The following PVT1 variants were observed in gnomAD, a reference collection of about 807,000 sequenced individuals.
PVT1 encodes the protein CXCR4/PVT1 fusion.
chr8:127,890,250 C>A (rs1815583964), intron 2 of PVT1, among the ~76,000 whole-genome samples: 1 of 152,210 alleles, frequency 6.6e-6, no homozygotes, highest in South Asian at 2.1e-4. Flanking sequence ...ATGTGCCAGG[C>A]CTGGCCTTGC....
At chr8:127,838,028 G>T (rs555976695) in intron 2 of PVT1, among the ~76,000 whole-genome samples, 3 of 151,810 alleles carry the variant, frequency 2.0e-5, no homozygotes, top group African/African-American at 7.2e-5. Context: ...CTCCTGAATA[G>T]CTGGGATTAC....
At chr8:128,029,197 A>C (rs1813359793) in intron 4 of PVT1, among the ~76,000 whole-genome samples, 2 of 152,144 alleles carry the variant, frequency 1.3e-5, no homozygotes, top group African/African-American at 4.8e-5. Context: ...ATCACTGCTT[A>C]CTGCAGCCTT....
chr8:127,989,849 A>C (rs564484216), intron 4 of PVT1, among the ~76,000 whole-genome samples: 1 of 152,194 alleles, frequency 6.6e-6, no homozygotes, highest in African/African-American at 2.4e-5. Flanking sequence ...TACTTGCCTC[A>C]TTTTGGACAA....
chr8:127,847,064 G>A (rs534392402), intron 2 of PVT1, among the ~76,000 whole-genome samples: 2 of 145,348 alleles, frequency 1.4e-5, no homozygotes, highest in South Asian at 2.2e-4. Context: ...GTGCAGTGGT[G>A]AGATCTCAGC....
intron 2 of PVT1, among the ~76,000 whole-genome samples, chr8:127,836,434 A>G (rs1429729327): frequency 6.6e-6 from 1 of 152,048 alleles, no homozygotes; most frequent in Non-Finnish European, 1.5e-5. Context: ...TGCATTAGCT[A>G]TTTTTTCTAT....
At chr8:128,100,114 C>G (rs1814484501) in intron 6 of PVT1, among the ~76,000 whole-genome samples, 1 of 124,958 alleles carries the variant, frequency 8.0e-6, no homozygotes, top group African/African-American at 3.0e-5. Flanking sequence ...TCCCTCCCAA[C>G]CTTCCTCCCT....
intron 3 of PVT1, among the ~76,000 whole-genome samples, chr8:127,936,851 C>T (rs1041176412): frequency 2.0e-5 from 3 of 152,214 alleles, no homozygotes; most frequent in African/African-American, 7.2e-5. Context: ...TGCAGAGCCA[C>T]CTGTGCCACA....
intron 2 of PVT1, among the ~76,000 whole-genome samples, chr8:127,799,042 T>G (rs1176545640): frequency 6.6e-6 from 1 of 152,042 alleles, no homozygotes; most frequent in African/African-American, 2.4e-5. Context: ...GATGTGGAAA[T>G]GGTCTTATTC....
intron 3 of PVT1, among the ~76,000 whole-genome samples, chr8:127,954,441 C>T (rs192413814): frequency 7.1e-4 from 108 of 152,044 alleles, no homozygotes; most frequent in African/African-American, 2.3e-3. Flanking sequence ...ACTACAGGCA[C>T]GCACCACCAC....
chr8:128,075,449 T>TA (rs1395026398), intron 5 of PVT1, among the ~76,000 whole-genome samples: 25 of 151,586 alleles, frequency 1.6e-4, no homozygotes, highest in Non-Finnish European at 2.4e-4. Context: ...TCTCCTTTTT[T>TA]TAAAAAAAAA....
intron 2 of PVT1, among the ~76,000 whole-genome samples, chr8:127,865,153 A>G (rs1438892538): frequency 6.6e-6 from 1 of 152,128 alleles, no homozygotes; most frequent in Non-Finnish European, 1.5e-5. Context: ...CTGCACCTCA[A>G]TTTGGACGAG....
chr8:127,879,974 T>A (rs1262388921), intron 2 of PVT1, among the ~76,000 whole-genome samples: 1 of 152,244 alleles, frequency 6.6e-6, no homozygotes, highest in East Asian at 1.9e-4. Context: ...AGCTCTTCAG[T>A]GAGGACATTG....
chr8:128,085,143 G>A (rs1352421091), intron 5 of PVT1, among the ~76,000 whole-genome samples: 1 of 152,140 alleles, frequency 6.6e-6, no homozygotes, highest in Non-Finnish European at 1.5e-5. Flanking sequence ...AAAGCACTGG[G>A]ACTGTCAAGC....
intron 2 of PVT1, among the ~76,000 whole-genome samples, chr8:127,859,170 C>T (rs772965295): frequency 2.0e-5 from 3 of 152,052 alleles, no homozygotes; most frequent in Non-Finnish European, 1.5e-5. Flanking sequence ...TCCTCACAAC[C>T]TTCTTATGCT....
intron 4 of PVT1, among the ~76,000 whole-genome samples, chr8:128,002,968 T>TCCCTCGTCCTTCCTTCCTTCCTTCCTTC (rs564255495): frequency 1.2e-5 from 1 of 84,602 alleles, no homozygotes; most frequent in Non-Finnish European, 2.3e-5. Context: ...CCTCCCTCCC[T>TCCCTCGTCCTTCCTTCCTTCCTTCCTTC]CTTCCTTCCT....
chr8:128,005,340 C>G (rs991215987), intron 4 of PVT1, among the ~76,000 whole-genome samples: 3 of 152,124 alleles, frequency 2.0e-5, no homozygotes, highest in African/African-American at 4.8e-5. Context: ...TCCAATGTGG[C>G]CCAGGGAAGC....
chr8:127,952,970 TG>T (rs910663273), intron 3 of PVT1, among the ~76,000 whole-genome samples: 1 of 152,128 alleles, frequency 6.6e-6, no homozygotes, highest in African/African-American at 2.4e-5. Flanking sequence ...TTCACCATGT[TG>T]GCCAGGATGG....
intron 2 of PVT1, among the ~76,000 whole-genome samples, chr8:127,842,927 T>C (rs996300012): frequency 2.6e-5 from 4 of 152,238 alleles, no homozygotes; most frequent in Middle Eastern, 3.4e-3. Flanking sequence ...GCAAGTAGCA[T>C]AGGGCTAGAA....
At chr8:128,007,683 CT>C (rs1563664283) in intron 4 of PVT1, among the ~76,000 whole-genome samples, 1 of 152,190 alleles carries the variant, frequency 6.6e-6, no homozygotes. Flanking sequence ...ACACCTTTTA[CT>C]TTTTGATGTC....
Sources: allele counts gnomAD v4.1 joint callset (sites outside exome capture counted in the v4.1 genomes callset), GRCh38; gene constraint gnomAD v4.1.1; transcripts MANE v1.5; gene names NCBI Gene and HGNC (gene_info 2026-07-23, HGNC 2026-07-21).